Variants in ROS1 observed in about 807,000 individuals in gnomAD.
The protein encoded by ROS1 is ROS proto-oncogene 1, receptor tyrosine kinase.
A neutral mutation model predicts 273.5 loss-of-function variants in ROS1; 263 were observed. The observed-to-expected ratio is 0.96, with a 90% CI of 0.87 to 1.06. The LOEUF is 1.06. Ranked by LOEUF, ROS1 falls within the 50% of genes least tolerant of loss-of-function variation. The pLI, the probability that ROS1 is intolerant of heterozygous loss-of-function variation, is 0.00. For synonymous variants in ROS1, 1,008 were observed against 954.1 expected (o/e 1.06, Z -1.04); for missense variants, 2,833 against 2,751.1 (o/e 1.03, Z -0.67).
intron 37 of ROS1, among the ~76,000 whole-genome samples, chr6:117,318,596 T>G (rs1776076675): frequency 6.6e-6 from 1 of 152,152 alleles, no homozygotes; most frequent in South Asian, 2.1e-4. Context: ...GATTTATTTC[T>G]TGGAGGCCAG....
intron 28 of ROS1, among the ~76,000 whole-genome samples, chr6:117,343,289 T>C (rs1778096933): frequency 6.6e-6 from 1 of 152,090 alleles, no homozygotes; most frequent in Admixed American, 6.6e-5. Flanking sequence ...TTAGACAAAA[T>C]TAAGGAAGGA....
At chr6:117,371,551 A>G (rs1336374402) in intron 18 of ROS1, among the ~76,000 whole-genome samples, 1 of 152,252 alleles carries the variant, frequency 6.6e-6, no homozygotes, top group East Asian at 1.9e-4. Context: ...AAAAATTTAA[A>G]CCGAATACAG....
chr6:117,404,677 C>CT (rs1158055271), intron 5 of ROS1, among the ~76,000 whole-genome samples: 1 of 152,078 alleles, frequency 6.6e-6, no homozygotes, highest in Non-Finnish European at 1.5e-5. Context: ...TCAGGTTTTG[C>CT]TTTTACAGGC....
chr6:117,296,393 T>G (rs1369265368), intron 43 of ROS1, among the ~76,000 whole-genome samples: 2 of 116,996 alleles, frequency 1.7e-5, no homozygotes, highest in Non-Finnish European at 4.0e-5. Flanking sequence ...AGAGTGAGAC[T>G]GTCTCAAAAA....
chr6:117,311,055 G>A lies in ROS1; in HGVS notation c.6180C>T (p.Gly2060=), dbSNP rs1452889707. 3.1e-6 allele frequency: 5 copies of A among 1,611,360 alleles called. No homozygotes were observed. The East Asian group carries it at 1.1e-4, about 36-fold the overall frequency. ...AATGCATCCGTTCCAAGTAGACACAGCCTTTTGAAATATCTACACACAGGT... is the reference window on the plus strand; with the variant it reads ...AATGCATCCGTTCCAAGTAGACACAACCTTTTGAAATATCTACACACAGGT... ...LVDLCVDISK[G]CVYLERMHFI... Residue 2060 remains glycine, a synonymous_variant, in exon 40 of 44, where the codon GGC becomes GGT. Transcript: ENST00000368507.
In ROS1 at chr6:117,356,903, C is replaced by G; in HGVS notation, c.3852G>C (p.Trp1284Cys). 1.2e-6 allele frequency: 2 copies of G among 1,613,500 alleles called. No individual in the cohort carries two copies. Among genetic ancestry groups the G allele is most frequent in the Non-Finnish European group, 1.7e-6 (2 of 1,179,718 alleles). Reference sequence around the variant, plus strand: ...GGTAGCCAAAATTGGAAACTTCTGTCCAATACAAGCGACTATAGAGGAAAA... The same window carrying G: ...GGTAGCCAAAATTGGAAACTTCTGTGCAATACAAGCGACTATAGAGGAAAA... Reference protein sequence around the residue: ...SVYPLLSRLYWTEVSNFGYQM... With the variant: ...SVYPLLSRLYCTEVSNFGYQM... Residue 1284 changes from tryptophan (W) to cysteine (C), a missense_variant, in exon 26 of 44, where the codon TGG (tryptophan) becomes TGC (cysteine). Physicochemically the swap from Trp to Cys is radical, Grantham distance 215 (BLOSUM62 -2). Coordinates refer to ENST00000368507, the MANE Select transcript of ROS1 (RefSeq NM_001378902.1).
chr6:117,415,968 C>T (rs975137332), intron 3 of ROS1, among the ~76,000 whole-genome samples: 2 of 152,058 alleles, frequency 1.3e-5, no homozygotes, highest in Non-Finnish European at 2.9e-5. Flanking sequence ...TAACAAATAC[C>T]GGAGATTCTA....
At chr6:117,419,728 T>C (rs1017106063) in intron 1 of ROS1, among the ~76,000 whole-genome samples, 6 of 152,138 alleles carry the variant, frequency 3.9e-5, no homozygotes, top group African/African-American at 1.4e-4. Flanking sequence ...AGCAAAAGGG[T>C]GGATGCTGGG....
chr6:117,356,543 A>G, intron 26 of ROS1, 86 bp downstream of exon 26: 1 of 1,165,604 alleles, frequency 8.6e-7, no homozygotes, highest in South Asian at 1.5e-5. Flanking sequence ...ATATTTGAGT[A>G]TACGCGGAAT....
chr6:117,342,870 C>T (rs111343423), intron 28 of ROS1, among the ~76,000 whole-genome samples: 7 of 152,138 alleles, frequency 4.6e-5, no homozygotes, highest in African/African-American at 1.7e-4. Flanking sequence ...AAACATGTGA[C>T]ACATATGTGA....
chr6:117,373,025 G>A (rs932222694), intron 18 of ROS1, among the ~76,000 whole-genome samples: 5 of 152,206 alleles, frequency 3.3e-5, no homozygotes, highest in Non-Finnish European at 5.9e-5. Flanking sequence ...AACACAGAGT[G>A]CTGATTGGTG....
chr6:117,388,033 A>G (rs369900414), intron 13 of ROS1, 41 bp from the exon 14 acceptor site: 49 of 1,612,646 alleles, frequency 3.0e-5, no homozygotes, highest in Non-Finnish European at 4.2e-5. Context: ...TCAGGATGAC[A>G]TCTGCAAGGG....
intron 37 of ROS1, among the ~76,000 whole-genome samples, chr6:117,318,685 G>T (rs894569422): frequency 6.6e-6 from 1 of 152,084 alleles, no homozygotes; most frequent in African/African-American, 2.4e-5. Flanking sequence ...TTGGAAATTG[G>T]GGTGGTCATA....
chr6:117,384,349 A>C (rs1772392988), intron 16 of ROS1, among the ~76,000 whole-genome samples: 1 of 152,206 alleles, frequency 6.6e-6, no homozygotes, highest in Admixed American at 6.5e-5. Context: ...CTGTACATCA[A>C]TGGACACACT....
chr6:117,396,089 G>T, intron 9 of ROS1, 99 bp downstream of exon 9: 1 of 667,006 alleles, frequency 1.5e-6, no homozygotes. Context: ...CAGAAGAGGT[G>T]GGTCTTGAGG....
In ROS1 at chr6:117,311,023, T is replaced by C. The variant is rs1340913308; in HGVS notation, c.6212A>G (p.His2071Arg). Reference sequence around the variant, plus strand: ...TGTATCCAGAAGAGAATTGTACCTGTGAATGAAATGCATCCGTTCCAAGTA... The same window carrying C: ...TGTATCCAGAAGAGAATTGTACCTGCGAATGAAATGCATCCGTTCCAAGTA... ...CVYLERMHFIHRDLAARNCLV... is the reference protein window; with the variant it reads ...CVYLERMHFIRRDLAARNCLV... Residue 2071 changes from histidine (H) to arginine (R), a missense_variant, in exon 40 of 44, where the codon CAC becomes CGC. His to Arg is a conservative substitution (Grantham distance 29, BLOSUM62 0). Transcript: ENST00000368507. 6.3e-7 allele frequency: 1 copy of C among 1,598,812 alleles called. No individual in the cohort carries two copies.
In ROS1 at chr6:117,365,071, G is replaced by A. The variant is rs1780103139; in HGVS notation, c.3092C>T (p.Ala1031Val). The change falls in exon 21 of 44, where the codon GCA becomes GTA. Residue 1031 changes from alanine (A) to valine (V), a missense_variant. Ala to Val is a moderately conservative substitution (Grantham distance 64). Transcript: ENST00000368507. ...TTTAACCCCTGTACCTGTTTCAGGTGCTCGAAGTGACAGAGATGTTTTGGG... is the reference window on the plus strand; with the variant it reads ...TTTAACCCCTGTACCTGTTTCAGGTACTCGAAGTGACAGAGATGTTTTGGG... ...KGPKTSLSLRAPETVPSAPEN... is the reference protein window; with the variant it reads ...KGPKTSLSLRVPETVPSAPEN... The A allele has an allele frequency of 1.2e-6, 2 of 1,613,538 alleles. No homozygotes were observed. Among genetic ancestry groups the A allele is most frequent in the Non-Finnish European group, 1.7e-6 (2 of 1,179,788 alleles).
Position 117,383,565 on chromosome 6 carries a change from G to A in ROS1, c.2290-57C>T. On this transcript the variant is annotated intron_variant, in intron 16 of 43. Coordinates refer to ENST00000368507, the MANE Select transcript of ROS1 (RefSeq NM_001378902.1). Reference sequence around the variant, plus strand: ...GCTTTCAAGTGACATTATTATTTCTGAATATTTATTGCAATCATTAATAAA... The same window carrying A: ...GCTTTCAAGTGACATTATTATTTCTAAATATTTATTGCAATCATTAATAAA... 2.4e-6 allele frequency: 3 copies of A among 1,265,660 alleles called. No individual in the cohort carries two copies. In the South Asian group the frequency reaches 3.7e-5, roughly 15 times the overall value. 78.4% of individuals were successfully genotyped at this position (1,265,660 alleles called of 1,614,324 possible).
chr6:117,315,346 A>T (rs1335801536), intron 39 of ROS1, among the ~76,000 whole-genome samples: 3 of 152,086 alleles, frequency 2.0e-5, no homozygotes, highest in Admixed American at 2.0e-4. Flanking sequence ...ATTCATTATC[A>T]AAGAGACAAT....
Sources: allele counts gnomAD v4.1 joint callset (sites outside exome capture counted in the v4.1 genomes callset), GRCh38; gene constraint gnomAD v4.1.1; transcripts MANE v1.5; gene names NCBI Gene and HGNC (gene_info 2026-07-23, HGNC 2026-07-21).